CMSS1: variants seen among roughly 807,000 people sequenced by gnomAD.
CMSS1 encodes cms1 ribosomal small subunit homolog.
A neutral mutation model predicts 43.5 loss-of-function variants in CMSS1; 33 were observed. The observed-to-expected ratio is 0.76, with a 90% CI of 0.57 to 1.01. The LOEUF is 1.01. Among genes scored for constraint, CMSS1 ranks in the 50% least tolerant of loss-of-function variants. The pLI is 0.00. For missense variants in CMSS1, 313 were observed against 326.4 expected (o/e 0.96, Z 0.32); for synonymous variants, 115 against 117.2 (o/e 0.98, Z 0.12).
intron 1 of CMSS1, among the ~76,000 whole-genome samples, chr3:99,989,500 C>T (rs1709449357): frequency 6.6e-6 from 1 of 152,198 alleles, no homozygotes; most frequent in South Asian, 2.1e-4. Flanking sequence ...CAACCCTTGA[C>T]TCCATTTCCT....
At chr3:100,138,140 G>C (rs2066771755) in intron 1 of CMSS1, among the ~76,000 whole-genome samples, 1 of 152,144 alleles carries the variant, frequency 6.6e-6, no homozygotes, top group South Asian at 2.1e-4. Flanking sequence ...GCTAGCCATA[G>C]GCAGCAAACT....
chr3:99,930,134 A>T, intron 1 of CMSS1: 1 of 891,750 alleles, frequency 1.1e-6, no homozygotes. Flanking sequence ...TTTCAAATCT[A>T]AATGAATCAT....
intron 1 of CMSS1, among the ~76,000 whole-genome samples, chr3:99,880,845 GCAT>G (rs1379691558): frequency 1.3e-5 from 2 of 152,060 alleles, no homozygotes; most frequent in African/African-American, 4.8e-5. Flanking sequence ...CATTTATAAA[GCAT>G]CATTTTCGTA....
chr3:100,157,572 G>A (rs2066986607), intron 2 of CMSS1, among the ~76,000 whole-genome samples: 1 of 152,068 alleles, frequency 6.6e-6, no homozygotes, highest in African/African-American at 2.4e-5. Flanking sequence ...ACTCTCTGAT[G>A]GTATTTCTTT....
At chr3:100,052,815 A>C in intron 1 of CMSS1, among the ~76,000 whole-genome samples, 1 of 152,234 alleles carries the variant, frequency 6.6e-6, no homozygotes, top group South Asian at 2.1e-4. Flanking sequence ...TACAAGATAA[A>C]GTTATAAATA....
chr3:99,933,001 A>T (rs1306626612), intron 1 of CMSS1, among the ~76,000 whole-genome samples: 1 of 152,218 alleles, frequency 6.6e-6, no homozygotes, highest in Non-Finnish European at 1.5e-5. Flanking sequence ...GTATTAGCTC[A>T]TTCAAGTCTC....
intron 1 of CMSS1, among the ~76,000 whole-genome samples, chr3:99,985,479 G>A (rs1291987666): frequency 1.3e-5 from 2 of 152,076 alleles, no homozygotes; most frequent in Non-Finnish European, 2.9e-5. Context: ...CAGCCTGGGT[G>A]ACAGCAAGAC....
At chr3:99,917,199 G>A (rs1706980897) in intron 1 of CMSS1, among the ~76,000 whole-genome samples, 1 of 152,132 alleles carries the variant, frequency 6.6e-6, no homozygotes, top group African/African-American at 2.4e-5. Context: ...CTGGCTGTTG[G>A]ATAATTACTG....
At chr3:99,988,729 A>G (rs924481761) in intron 1 of CMSS1, among the ~76,000 whole-genome samples, 1 of 152,164 alleles carries the variant, frequency 6.6e-6, no homozygotes. Context: ...TAAAAAAAGC[A>G]TTGTCTGGAT....
rs536229825 is a variant in CMSS1, at chr3:100,138,474, A to G, written c.65-8499A>G. Among the ~76,000 whole-genome samples the G allele has an allele frequency of 4.6e-5, 7 of 152,362 alleles. No individual in the cohort carries two copies. The South Asian group carries it at 1.4e-3, about 32-fold the overall frequency. ...AAAGGTCTAATATCCAGAATTTACA[A>G]GGAACTTAAACAAATTTACAAGAAA... is the stretch of plus-strand genomic sequence containing the variant. On this transcript the variant is annotated intron_variant, in intron 1 of 9. Transcript: ENST00000421999.
At chr3:100,069,893 C>T (rs534132575) in intron 1 of CMSS1, among the ~76,000 whole-genome samples, 42 of 152,210 alleles carry the variant, frequency 2.8e-4, no homozygotes, top group African/African-American at 9.1e-4. Context: ...CTATCCAGTT[C>T]ATTTTGTTGG....
In CMSS1 at chr3:100,146,999, G is replaced by C. The variant is rs2066857232; in HGVS notation, c.91G>C (p.Asp31His). 6.2e-7 allele frequency: 1 copy of C among 1,613,726 alleles called. No homozygotes were observed. The highest frequency in any genetic ancestry group is 1.1e-5 in the South Asian group (1 of 91,048). The stretch of plus-strand genomic sequence containing the variant: ...AGCATCAGATGGTGAAGGAGAAGGA[G>C]ACACAGAAGTGATGCAGCAGGAGAC... ...PEASDGEGEG[D>H]TEVMQQETVP... The change falls in exon 2 of 10, where the codon GAC (aspartate) becomes CAC (histidine). Residue 31 changes from aspartate (D) to histidine (H), a missense_variant. Asp to His is a moderately conservative substitution (Grantham distance 81). Transcript: ENST00000421999.
chr3:100,041,090 G>A (rs764182819), intron 1 of CMSS1: 1 of 152,134 alleles, frequency 6.6e-6, no homozygotes, highest in Non-Finnish European at 1.5e-5. Context: ...AGTTGGATGT[G>A]ATCACAGAAG....
intron 2 of CMSS1, among the ~76,000 whole-genome samples, chr3:100,156,667 G>A (rs546587371): frequency 3.4e-4 from 51 of 151,338 alleles, no homozygotes; most frequent in East Asian, 1.4e-3. Context: ...CCGGGCTGGC[G>A]TGCAGTGGCA....
At chr3:99,921,456 A>G (rs1442774393) in intron 1 of CMSS1, among the ~76,000 whole-genome samples, 1 of 152,198 alleles carries the variant, frequency 6.6e-6, no homozygotes, top group Non-Finnish European at 1.5e-5. Context: ...ATGGGCCCAC[A>G]CTACCAAGAT....
intron 1 of CMSS1, chr3:99,851,109 C>T (rs1056393762): frequency 6.8e-7 from 1 of 1,468,746 alleles, no homozygotes; most frequent in Admixed American, 2.2e-5. Context: ...GTGATTGATG[C>T]TTTAGTAACT....
chr3:100,170,792 A>G (rs2067103774), intron 6 of CMSS1, among the ~76,000 whole-genome samples: 2 of 152,186 alleles, frequency 1.3e-5, no homozygotes, highest in Admixed American at 1.3e-4. Flanking sequence ...ATTGTTGTAG[A>G]TAGATCTAGC....
chr3:100,172,069 C>T, intron 7 of CMSS1, 170 bp downstream of exon 7: 1 of 644,006 alleles, frequency 1.6e-6, no homozygotes, highest in East Asian at 2.7e-5. Context: ...TACCTACCTC[C>T]CCAGTATGGC....
At chr3:100,009,073 T>G (rs1423609061) in intron 1 of CMSS1, among the ~76,000 whole-genome samples, 1 of 152,220 alleles carries the variant, frequency 6.6e-6, no homozygotes, top group African/African-American at 2.4e-5. Context: ...TGCAGTAGAC[T>G]TAAAAGGAAA....
Sources: gnomAD v4.1 joint callset for allele counts (sites outside exome capture counted in the v4.1 genomes callset) on GRCh38, gnomAD v4.1.1 for gene constraint, MANE v1.5 for transcripts, NCBI Gene and HGNC (gene_info 2026-07-23, HGNC 2026-07-21) for gene names.